Variants in ESS2 observed in about 807,000 individuals in gnomAD.
ESS2 encodes the protein splicing factor ESS-2 homolog.
ESS2 carries 31 observed loss-of-function variants against 52.0 expected under a neutral mutation model. That is an observed-to-expected ratio of 0.60 (90% CI 0.45 to 0.81). The LOEUF (loss-of-function observed/expected upper bound fraction) is 0.81, where lower values mean the gene tolerates loss of function less well. ESS2 is among the 30% of genes least tolerant of loss of function. The pLI is 0.00. For synonymous variants in ESS2, 285 were observed against 259.2 expected (o/e 1.10, Z -0.95); for missense variants, 602 against 637.2 (o/e 0.94, Z 0.59).
At chr22:19,136,092 C>T (rs1381999122) in intron 8 of ESS2, among the ~76,000 whole-genome samples, 2 of 149,506 alleles carry the variant, frequency 1.3e-5, no homozygotes, top group Non-Finnish European at 3.0e-5. Flanking sequence ...GTAATCCCAG[C>T]ACTTTGGGAG....
In ESS2 at chr22:19,139,739, C is replaced by A; in HGVS notation, c.571-10G>T. 1 of 1,614,188 alleles carries A rather than the reference C, an allele frequency of 6.2e-7. No individual in the cohort carries two copies. Among genetic ancestry groups the A allele is most frequent in the South Asian group, 1.1e-5 (1 of 91,090 alleles). On this transcript the variant is annotated splice_polypyrimidine_tract_variant and intron_variant, in intron 4 of 9. Coordinates refer to ENST00000252137, the MANE Select transcript of ESS2 (RefSeq NM_022719.3). ...GATTATCTTTCTGCCTCTGCAATCA[C>A]ATGGGGAAAAGTGATGGTCAGAGAT... is the stretch of plus-strand genomic sequence containing the variant.
At position 19,133,061 on chromosome 22, in the gene ESS2, C is replaced by T. The variant is rs923169687; in HGVS notation, c.*1135G>A. 1 of 153,670 alleles carries T rather than the reference C, an allele frequency of 6.5e-6. No individual in the cohort carries two copies. Among genetic ancestry groups the T allele is most frequent in the East Asian group, 1.9e-4 (1 of 5,216 alleles). The allele number at this position is 153,670 out of a possible 1,614,324, so 9.5% of individuals were successfully genotyped here. A position where few individuals can be genotyped will look rare whatever the true frequency, so the allele number is the denominator to read the frequency against. On this transcript the variant is annotated 3_prime_UTR_variant, in exon 10 of 10. Coordinates refer to ENST00000252137, the MANE Select transcript of ESS2 (RefSeq NM_022719.3). ...TCCTGGAGTCATGTGAGATTTCTGT[C>T]CTCAGCCCTCAAGTTCCCTGCCCTG...
Position 19,131,771 on chromosome 22 carries a change from C to T in ESS2, c.*2425G>A. 1 of 1,614,226 alleles carries T rather than the reference C, an allele frequency of 6.2e-7. No homozygotes were observed. The highest frequency in any genetic ancestry group is 8.5e-7 in the Non-Finnish European group (1 of 1,180,048). On this transcript the variant is annotated 3_prime_UTR_variant, in exon 10 of 10. Transcript: ENST00000252137. This position sits in a 1 kb window ranked among gnomAD's most constrained non-coding sequence, Gnocchi z 5.7. Reference sequence around the variant, plus strand: ...TGTTCCGACAGCTCTCCTCCGCCGTCAAGTACTGCCACGACCTGGACATCG... The same window carrying T: ...TGTTCCGACAGCTCTCCTCCGCCGTTAAGTACTGCCACGACCTGGACATCG...
chr22:19,136,822 G>A (rs183882975), intron 8 of ESS2, among the ~76,000 whole-genome samples: 79 of 152,202 alleles, frequency 5.2e-4, no homozygotes, highest in African/African-American at 1.8e-3. Flanking sequence ...GGAAAGGCCC[G>A]CAGTGGTATG....
chr22:19,130,627 C>T lies in ESS2; in HGVS notation c.*3569G>A. 1 of 348,566 alleles carries T rather than the reference C, an allele frequency of 2.9e-6. No homozygotes were observed. Among genetic ancestry groups the T allele is most frequent in the South Asian group, 2.5e-5 (1 of 40,678 alleles). The allele number at this position is 348,566 out of a possible 1,614,324, so 21.6% of individuals were successfully genotyped here. The stretch of plus-strand genomic sequence containing the variant: ...TGATCTATTCAAACAGCTGCCTGTT[C>T]CCTTAACTTGTCTTCAGATTTTGTC... On this transcript the variant is annotated 3_prime_UTR_variant, in exon 10 of 10. Coordinates refer to ENST00000252137, the MANE Select transcript of ESS2 (RefSeq NM_022719.3).
chr22:19,144,253 G>C, intron 1 of ESS2: 1 of 1,274,546 alleles, frequency 7.8e-7, no homozygotes, highest in Non-Finnish European at 9.9e-7. Flanking sequence ...CACTTTAACA[G>C]AAAATCTTCT....
rs754269796 is a variant in ESS2, at chr22:19,132,128, C to T, written c.*2068G>A. On this transcript the variant is annotated 3_prime_UTR_variant, in exon 10 of 10. Coordinates refer to ENST00000252137, the MANE Select transcript of ESS2 (RefSeq NM_022719.3). This position sits in a 1 kb window ranked among gnomAD's most constrained non-coding sequence, Gnocchi z 4.2. ...TCCCGCGCTCCAAGAACCTGACCTG[C>T]GAGTGCAAGGACCTCATCTACCGCA... The T allele has an allele frequency of 1.2e-6, 2 of 1,612,330 alleles. No individual in the cohort carries two copies. Among genetic ancestry groups the T allele is most frequent in the Non-Finnish European group, 1.7e-6 (2 of 1,178,684 alleles).
At chr22:19,143,747 T>G (rs982757614) in intron 1 of ESS2, among the ~76,000 whole-genome samples, 4 of 152,108 alleles carry the variant, frequency 2.6e-5, no homozygotes, top group African/African-American at 9.7e-5. Context: ...TCACAGCTAC[T>G]CGGCAGGCTG....
At position 19,142,652 on chromosome 22, in the gene ESS2, A is replaced by T; in HGVS notation, c.305-19T>A. On this transcript the variant is annotated intron_variant, in intron 2 of 9. Transcript: ENST00000252137. Reference sequence around the variant, plus strand: ...GTCACATCTAGGGGAAGAGAGGGGGATAAGAATTAGAGTGAGCCTGAAGCG... The same window carrying T: ...GTCACATCTAGGGGAAGAGAGGGGGTTAAGAATTAGAGTGAGCCTGAAGCG... 6.2e-7 allele frequency: 1 copy of T among 1,610,856 alleles called. No homozygotes were observed.
At chr22:19,136,124 G>A (rs1371808502) in intron 8 of ESS2, among the ~76,000 whole-genome samples, 2 of 151,730 alleles carry the variant, frequency 1.3e-5, no homozygotes, top group Non-Finnish European at 2.9e-5. Flanking sequence ...TGGATCACGA[G>A]GTCAGGAGTT....
rs1400560553 is a variant in ESS2, at chr22:19,135,173, G to A, written c.1038C>T (p.Ile346=). ...VDRTPGPAFK[I]LEPGRRERLG... is the part of the protein sequence containing the mutation. ...GCCGCTCCCTGCGGCCTGGCTCCAG[G>A]ATCTACAAGGTAGCAGGTGTGTGGG... is the stretch of plus-strand genomic sequence containing the variant. Residue 346 remains isoleucine, a splice_region_variant and synonymous_variant, in exon 9 of 10, where the codon ATC becomes ATT. Coordinates refer to ENST00000252137, the MANE Select transcript of ESS2 (RefSeq NM_022719.3). 18 of 1,612,482 alleles carry A rather than the reference G, an allele frequency of 1.1e-5. No individual in the cohort carries two copies. The highest frequency in any genetic ancestry group is 1.4e-5 in the Non-Finnish European group (17 of 1,178,864).
Position 19,142,861 on chromosome 22 carries a change from G to A in ESS2, c.169C>T (p.Pro57Ser). ...TGTGCCTGGAGCTTCTCCACATCAGGAAAGAAATCCCTTTGGATGACCGTC... is the reference window on the plus strand; with the variant it reads ...TGTGCCTGGAGCTTCTCCACATCAGAAAAGAAATCCCTTTGGATGACCGTC... ...LQTVIQRDFF[P>S]DVEKLQAQKE... The change falls in exon 2 of 10, where the codon CCT (proline) becomes TCT (serine). Residue 57 changes from proline to serine, a missense_variant. Pro to Ser is a moderately conservative substitution (Grantham distance 74, BLOSUM62 -1). Transcript: ENST00000252137. 1.2e-6 allele frequency: 2 copies of A among 1,613,968 alleles called. No individual in the cohort carries two copies. Among genetic ancestry groups the A allele is most frequent in the Non-Finnish European group, 1.7e-6 (2 of 1,179,998 alleles).
At chr22:19,136,268 AG>A in intron 8 of ESS2, among the ~76,000 whole-genome samples, 2 of 143,306 alleles carry the variant, frequency 1.4e-5, no homozygotes, top group Admixed American at 7.5e-5. Flanking sequence ...AGGTTGAGGC[AG>A]GAGAATCACT....
rs757802014 is a variant in ESS2 at position 19,132,527 on chromosome 22, G to A, written c.*1669C>T. On this transcript the variant is annotated 3_prime_UTR_variant, in exon 10 of 10. Coordinates refer to ENST00000252137, the MANE Select transcript of ESS2 (RefSeq NM_022719.3). This position sits in a 1 kb window ranked among gnomAD's most constrained non-coding sequence, Gnocchi z 4.2. ...GTGGGGGTCGGGGTTGGGGGGCATG[G>A]TGCAGTCGGCCTTCACGTAAACTAA... The A allele has an allele frequency of 3.3e-6, 5 of 1,531,698 alleles. No individual in the cohort carries two copies. The highest frequency in any genetic ancestry group is 4.4e-6 in the Non-Finnish European group (5 of 1,132,392). The allele number at this position is 1,531,698 out of a possible 1,614,324, so 94.9% of individuals were successfully genotyped here. A position where few individuals can be genotyped will look rare whatever the true frequency, so the allele number is the denominator to read the frequency against.
intron 9 of ESS2, 52 bp from the exon 10 acceptor site, chr22:19,134,527 C>T (rs755557320): frequency 2.0e-6 from 3 of 1,471,054 alleles, no homozygotes; most frequent in Non-Finnish European, 2.7e-6. Flanking sequence ...CTGAGAGCTG[C>T]CGGCAGCAGG....
chr22:19,136,679 G>A (rs1427546541), intron 8 of ESS2, among the ~76,000 whole-genome samples: 3 of 152,054 alleles, frequency 2.0e-5, no homozygotes, highest in South Asian at 2.1e-4. Flanking sequence ...TGGACAGCAC[G>A]GCATCCTCTT....
At chr22:19,135,997 T>C (rs2083574296) in intron 8 of ESS2, among the ~76,000 whole-genome samples, 2 of 136,518 alleles carry the variant, frequency 1.5e-5, no homozygotes, top group Admixed American at 1.6e-4. Context: ...ACCACTGTTC[T>C]CCAGCCTGGG....
At position 19,132,665 on chromosome 22, in the gene ESS2, TACTG is replaced by T; in HGVS notation, c.*1527_*1530del. 1.6e-6 allele frequency: 1 copy of T among 626,480 alleles called. No homozygotes were observed. The highest frequency in any genetic ancestry group is 2.8e-6 in the Non-Finnish European group (1 of 357,824). The allele number at this position is 626,480 out of a possible 1,614,324, so 38.8% of individuals were successfully genotyped here. The stretch of plus-strand genomic sequence containing the variant: ...TCCACTTAGCAGCAAAGACGTTCCT[TACTG>T]ACCACCAAATAAACCACAGGGTGTG... On this transcript the variant is annotated 3_prime_UTR_variant, in exon 10 of 10. Coordinates refer to ENST00000252137, the MANE Select transcript of ESS2 (RefSeq NM_022719.3). This position sits in a 1 kb window ranked among gnomAD's most constrained non-coding sequence, Gnocchi z 4.2.
At chr22:19,138,194 G>A (rs1217018789) in intron 7 of ESS2, 21 bp downstream of exon 7, 1 of 1,613,338 alleles carries the variant, frequency 6.2e-7, no homozygotes, top group East Asian at 2.2e-5. Flanking sequence ...AGACCCACTT[G>A]CCAGTGGGCA....
Sources: allele counts gnomAD v4.1 joint callset (sites outside exome capture counted in the v4.1 genomes callset), GRCh38; gene constraint gnomAD v4.1.1; non-coding constraint Gnocchi (gnomAD v3.1); transcripts MANE v1.5; gene names NCBI Gene and HGNC (gene_info 2026-07-23, HGNC 2026-07-21).